INPP4B: variants seen among roughly 807,000 people sequenced by gnomAD.
INPP4B encodes the protein inositol polyphosphate 4-phosphatase type II.
In INPP4B, 55 loss-of-function variants were observed where a neutral mutation model predicts 122.5. The observed-to-expected ratio is 0.45, with a 90% CI of 0.36 to 0.56. The LOEUF (loss-of-function observed/expected upper bound fraction) is 0.56, where lower values mean the gene tolerates loss of function less well. Among genes scored for constraint, INPP4B ranks in the 20% least tolerant of loss-of-function variants. The pLI, the probability that INPP4B is intolerant of heterozygous loss-of-function variation, is 0.00. For missense variants in INPP4B, 1,000 were observed against 1,097.7 expected, an observed-to-expected ratio of 0.91 and a Z score of 1.26; for synonymous variants, 403 against 388.7, an observed-to-expected ratio of 1.04 and a Z score of -0.43.
At chr4:142,250,676 A>T (rs1049428719) in intron 11 of INPP4B, among the ~76,000 whole-genome samples, 29 of 152,300 alleles carry the variant, frequency 1.9e-4, no homozygotes, top group Admixed American at 1.7e-3. Context: ...ATAAAGTTTT[A>T]AAAAATCCAG....
At chr4:142,770,087 T>C (rs1169357275) in intron 1 of INPP4B, among the ~76,000 whole-genome samples, 1 of 152,106 alleles carries the variant, frequency 6.6e-6, no homozygotes, top group Non-Finnish European at 1.5e-5. Flanking sequence ...CTACAAATTC[T>C]GGTATGACGT....
chr4:142,521,734 T>TAAGA (rs1304411523), intron 2 of INPP4B, among the ~76,000 whole-genome samples: 1 of 152,142 alleles, frequency 6.6e-6, no homozygotes, highest in Admixed American at 6.6e-5. Context: ...AAATAATACA[T>TAAGA]AAGATTTCTG....
intron 9 of INPP4B, among the ~76,000 whole-genome samples, chr4:142,272,182 T>C (rs531699072): frequency 6.6e-6 from 1 of 151,904 alleles, no homozygotes; most frequent in South Asian, 2.1e-4. Flanking sequence ...TAAATGCTGC[T>C]TTTTTTTAGT....
chr4:142,655,830 A>C (rs972026656), intron 2 of INPP4B, among the ~76,000 whole-genome samples: 1 of 152,040 alleles, frequency 6.6e-6, no homozygotes, highest in African/African-American at 2.4e-5. Flanking sequence ...TTTTACTTGC[A>C]CTCTCAAAAG....
chr4:142,659,731 C>T (rs1332407134), intron 2 of INPP4B, among the ~76,000 whole-genome samples: 1 of 152,126 alleles, frequency 6.6e-6, no homozygotes, highest in African/African-American at 2.4e-5. Flanking sequence ...CAAAGCCAAG[C>T]ACCATGCACC....
chr4:142,732,360 A>G (rs1453648754), intron 1 of INPP4B, among the ~76,000 whole-genome samples: 2 of 152,000 alleles, frequency 1.3e-5, no homozygotes, highest in African/African-American at 2.4e-5. Context: ...TAAAAATTCC[A>G]ATTTTATTTT....
chr4:142,519,243 T>C (rs17016306), intron 2 of INPP4B, among the ~76,000 whole-genome samples: 36,492 of 152,014 alleles, frequency 0.24, 4,724 homozygotes, highest in East Asian at 0.46. Context: ...TCCATTGCTA[T>C]ACCTGCATAC....
intron 9 of INPP4B, among the ~76,000 whole-genome samples, chr4:142,272,475 C>A (rs1324025326): frequency 6.6e-6 from 1 of 151,884 alleles, no homozygotes; most frequent in Non-Finnish European, 1.5e-5. Context: ...TGAAATGCTT[C>A]TTGGTGATTT....
intron 25 of INPP4B, chr4:142,029,151 T>A: frequency 8.3e-7 from 1 of 1,203,896 alleles, no homozygotes; most frequent in Non-Finnish European, 1.0e-6. Context: ...ACATTTAAAA[T>A]TTAATAAACT....
At chr4:142,051,930 GA>G (rs1754824612) in intron 25 of INPP4B, among the ~76,000 whole-genome samples, 1 of 151,990 alleles carries the variant, frequency 6.6e-6, no homozygotes, top group African/African-American at 2.4e-5. Flanking sequence ...TGTGGGTCCA[GA>G]ACCTCTCATT....
intron 15 of INPP4B, among the ~76,000 whole-genome samples, chr4:142,179,674 T>C (rs1358228395): frequency 2.0e-5 from 3 of 152,166 alleles, no homozygotes; most frequent in African/African-American, 7.2e-5. Context: ...AGTTCTTACT[T>C]GTACTTTCTA....
intron 3 of INPP4B, among the ~76,000 whole-genome samples, chr4:142,451,249 T>G (rs913754617): frequency 7.1e-5 from 10 of 140,840 alleles, no homozygotes; most frequent in East Asian, 2.0e-4. Flanking sequence ...TGCTGTTGTT[T>G]TTTTTTTTTT....
intron 25 of INPP4B, among the ~76,000 whole-genome samples, chr4:142,077,333 T>C (rs949179940): frequency 2.0e-5 from 3 of 151,910 alleles, no homozygotes; most frequent in African/African-American, 7.2e-5. Flanking sequence ...CAAAAGACAA[T>C]TGAGAACTAT....
At chr4:142,218,259 A>T (rs1194258339) in intron 12 of INPP4B, among the ~76,000 whole-genome samples, 1 of 152,136 alleles carries the variant, frequency 6.6e-6, no homozygotes, top group East Asian at 1.9e-4. Context: ...CACATTTTAC[A>T]AATACTCTCC....
chr4:142,106,535 A>C (rs75002261), intron 23 of INPP4B, among the ~76,000 whole-genome samples: 4,348 of 152,338 alleles, frequency 0.029, 134 homozygotes, highest in African/African-American at 0.067. Flanking sequence ...AGTTTAAGTT[A>C]CTTGAATATA....
At chr4:142,500,887 T>C (rs929355780) in intron 2 of INPP4B, among the ~76,000 whole-genome samples, 2 of 151,904 alleles carry the variant, frequency 1.3e-5, no homozygotes, top group African/African-American at 2.4e-5. Context: ...AAGAAAGAGA[T>C]AGGGAGTTGT....
intron 24 of INPP4B, among the ~76,000 whole-genome samples, chr4:142,085,345 C>G (rs2152542158): frequency 6.6e-6 from 1 of 152,210 alleles, no homozygotes; most frequent in South Asian, 2.1e-4. Context: ...AACCTGAGCT[C>G]CAAATTATAA....
At chr4:142,486,228 G>T (rs1337851563) in intron 2 of INPP4B, among the ~76,000 whole-genome samples, 1 of 152,138 alleles carries the variant, frequency 6.6e-6, no homozygotes, top group South Asian at 2.1e-4. Context: ...TTCCAAAGTG[G>T]TGTACCATTT....
At chr4:142,713,139 A>C (rs1354146897) in intron 2 of INPP4B, among the ~76,000 whole-genome samples, 1 of 152,252 alleles carries the variant, frequency 6.6e-6, no homozygotes, top group African/African-American at 2.4e-5. Context: ...AGAGGCTAAG[A>C]GCAAAAGAGA....
Sources: gnomAD v4.1 joint callset for allele counts (sites outside exome capture counted in the v4.1 genomes callset) on GRCh38, gnomAD v4.1.1 for gene constraint, MANE v1.5 for transcripts, NCBI Gene and HGNC (gene_info 2026-07-23, HGNC 2026-07-21) for gene names.